The following EML6 variants were observed in gnomAD, a reference collection of about 807,000 sequenced individuals.
The protein encoded by EML6 is echinoderm microtubule-associated protein-like 6.
Under a neutral mutation model 240.1 loss-of-function variants are expected in EML6, and 154 were observed. The ratio of observed to expected loss-of-function variants is 0.64; its 90% CI spans 0.56 to 0.73. EML6 has a LOEUF of 0.73. Ranked by LOEUF, EML6 falls within the 30% of genes least tolerant of loss-of-function variation. The probability of loss-of-function intolerance (pLI) is 0.00; values close to 1 mark genes in which losing one functional copy is unlikely to be tolerated. For synonymous variants in EML6, 1,148 were observed against 899.0 expected (o/e 1.28, Z -4.95); for missense variants, 2,964 against 2,474.6 (o/e 1.20, Z -4.20).
chr2:54,738,593 G>C (rs943699028), intron 2 of EML6, among the ~76,000 whole-genome samples: 1 of 152,190 alleles, frequency 6.6e-6, no homozygotes, highest in Admixed American at 6.5e-5. Context: ...CTGCAAAGGT[G>C]ACCTCCATCC....
chr2:54,796,083 C>T (rs1239683293), intron 2 of EML6, among the ~76,000 whole-genome samples: 2 of 151,846 alleles, frequency 1.3e-5, no homozygotes, highest in Non-Finnish European at 2.9e-5. Flanking sequence ...AAAATTATAA[C>T]AAGGATTTCA....
chr2:54,860,361 C>A (rs1670611266), intron 12 of EML6, among the ~76,000 whole-genome samples: 2 of 152,120 alleles, frequency 1.3e-5, no homozygotes, highest in African/African-American at 4.8e-5. Flanking sequence ...GGGACTTCAT[C>A]CCCTGGAGCA....
intron 17 of EML6, among the ~76,000 whole-genome samples, chr2:54,886,708 C>T (rs890789870): frequency 6.6e-6 from 1 of 152,092 alleles, no homozygotes; most frequent in South Asian, 2.1e-4. Flanking sequence ...GCATGTTTTC[C>T]TGTGCTGACT....
At chr2:54,890,045 C>T (rs1253563117) in intron 17 of EML6, among the ~76,000 whole-genome samples, 1 of 152,162 alleles carries the variant, frequency 6.6e-6, no homozygotes, top group African/African-American at 2.4e-5. Flanking sequence ...TCTGAAGCAT[C>T]CTTTAATTTC....
rs1157536327 is a variant in EML6, at chr2:54,948,869, C to T, written c.4005-13C>T. ...TTCAATGCTGTGCTTCCTCTGGCCG[C>T]TCTCTCTTCCAGACCACCCGTTAGC... On this transcript the variant is annotated splice_polypyrimidine_tract_variant and intron_variant, in intron 28 of 41. Coordinates refer to ENST00000356458, the MANE Select transcript of EML6 (RefSeq NM_001039753.4). 1 of 1,549,478 alleles carries T rather than the reference C, an allele frequency of 6.5e-7. No individual in the cohort carries two copies. Among genetic ancestry groups the T allele is most frequent in the Non-Finnish European group, 8.7e-7 (1 of 1,145,244 alleles).
chr2:54,754,285 C>G (rs900301559), intron 2 of EML6, among the ~76,000 whole-genome samples: 1 of 152,090 alleles, frequency 6.6e-6, no homozygotes, highest in Non-Finnish European at 1.5e-5. Flanking sequence ...TCTTGAAAAT[C>G]TGACCACTAG....
In EML6 at chr2:54,960,909, C is replaced by T. The variant is rs533350262; in HGVS notation, c.4968+575C>T. Among the ~76,000 whole-genome samples the T allele has an allele frequency of 5.9e-5, 9 of 152,236 alleles. No homozygotes were observed. The South Asian group carries it at 1.9e-3, about 32-fold the overall frequency. The stretch of plus-strand genomic sequence containing the variant: ...GGGACCTGGACCTGTATGTTTCCTT[C>T]TATTTCCTTCTATTTAAATTCCCCC... On this transcript the variant is annotated intron_variant, in intron 35 of 41. Transcript: ENST00000356458.
intron 14 of EML6, chr2:54,868,725 A>G (rs550499351): frequency 3.2e-5 from 5 of 154,014 alleles, no homozygotes; most frequent in African/African-American, 1.2e-4. Context: ...TTCTTTCAAC[A>G]TGCATACTTG....
At chr2:54,930,960 T>TC (rs1280851151) in intron 28 of EML6, among the ~76,000 whole-genome samples, 1 of 144,076 alleles carries the variant, frequency 6.9e-6, no homozygotes, top group East Asian at 2.0e-4. Flanking sequence ...CATCTTTTTT[T>TC]TTTTTTTTTT....
At chr2:54,859,194 T>C (rs1019761276) in intron 11 of EML6, among the ~76,000 whole-genome samples, 1 of 152,234 alleles carries the variant, frequency 6.6e-6, no homozygotes, top group Non-Finnish European at 1.5e-5. Context: ...TAAACAGGAT[T>C]GCCTGTCTTA....
intron 28 of EML6, among the ~76,000 whole-genome samples, chr2:54,937,878 G>C (rs1325041701): frequency 6.6e-6 from 1 of 152,150 alleles, no homozygotes; most frequent in African/African-American, 2.4e-5. Context: ...ACTTCTACAA[G>C]AGTTGGGTCA....
rs764868619 is a variant in EML6 at position 54,950,784 on chromosome 2, C to A, written c.4213+5C>A. 6.5e-7 allele frequency: 1 copy of A among 1,546,726 alleles called. No homozygotes were observed. The highest frequency in any genetic ancestry group is 1.2e-5 in the South Asian group (1 of 83,026). On this transcript the variant is annotated splice_donor_5th_base_variant and intron_variant, in intron 30 of 41. Coordinates refer to ENST00000356458, the MANE Select transcript of EML6 (RefSeq NM_001039753.4). ...TCGTTCAGAACCTCTCCACAGGTAA[C>A]CGGGGGTTAAAAAATACAGGTTTTT...
chr2:54,751,168 G>A (rs1270847574), intron 2 of EML6, among the ~76,000 whole-genome samples: 1 of 152,170 alleles, frequency 6.6e-6, no homozygotes, highest in Non-Finnish European at 1.5e-5. Context: ...TCAGATCCAT[G>A]TTTTATGGTG....
chr2:54,875,471 G>A (rs72482058), intron 16 of EML6, among the ~76,000 whole-genome samples: 33,965 of 152,032 alleles, frequency 0.22, 4,116 homozygotes, highest in Middle Eastern at 0.31. Flanking sequence ...CTCTTTTGGG[G>A]GGTTTTATGG....
At chr2:54,937,753 T>G (rs1003178641) in intron 28 of EML6, among the ~76,000 whole-genome samples, 8 of 152,168 alleles carry the variant, frequency 5.3e-5, no homozygotes, top group African/African-American at 1.9e-4. Context: ...AGATGACATG[T>G]ACACAGCCAT....
intron 2 of EML6, among the ~76,000 whole-genome samples, chr2:54,802,109 G>A (rs1670184363): frequency 6.6e-6 from 1 of 152,038 alleles, no homozygotes; most frequent in Non-Finnish European, 1.5e-5. Flanking sequence ...GTGCTGTTCT[G>A]GGGGTCATCA....
chr2:54,741,871 A>G (rs577761528), intron 2 of EML6, among the ~76,000 whole-genome samples: 3 of 152,366 alleles, frequency 2.0e-5, no homozygotes, highest in East Asian at 3.9e-4. Flanking sequence ...AGTATTAAAT[A>G]TAGCTGGAAT....
chr2:54,960,993 G>T (rs760277211), intron 35 of EML6, among the ~76,000 whole-genome samples: 2 of 151,868 alleles, frequency 1.3e-5, no homozygotes, highest in Non-Finnish European at 2.9e-5. Context: ...CCTTGTGTTT[G>T]TTTTTAAATA....
At chr2:54,919,003 C>G (rs921582998) in intron 26 of EML6, among the ~76,000 whole-genome samples, 8 of 152,218 alleles carry the variant, frequency 5.3e-5, no homozygotes, top group African/African-American at 1.7e-4. Flanking sequence ...TGTTTTCCCA[C>G]TGGGATACAA....
Sources: allele counts gnomAD v4.1 joint callset (sites outside exome capture counted in the v4.1 genomes callset), GRCh38; gene constraint gnomAD v4.1.1; transcripts MANE v1.5; gene names NCBI Gene and HGNC (gene_info 2026-07-23, HGNC 2026-07-21).